The following FRMD4B variants were observed in gnomAD, a reference collection of about 807,000 sequenced individuals.
FRMD4B encodes FERM domain containing 4B.
Under a neutral mutation model 141.5 loss-of-function variants are expected in FRMD4B, and 74 were observed. That is an observed-to-expected ratio of 0.52 (90% confidence interval 0.43 to 0.63). FRMD4B has a LOEUF of 0.63. Among genes scored for constraint, FRMD4B ranks in the 30% least tolerant of loss-of-function variants. The pLI, the probability that FRMD4B is intolerant of heterozygous loss-of-function variation, is 0.00. For missense variants in FRMD4B, 1,366 were observed against 1,253.4 expected, an observed-to-expected ratio of 1.09 and a Z score of -1.36; for synonymous variants, 506 against 467.9, an observed-to-expected ratio of 1.08 and a Z score of -1.05.
intron 1 of FRMD4B, among the ~76,000 whole-genome samples, chr3:69,491,506 T>C (rs1483912394): frequency 1.3e-5 from 2 of 152,220 alleles, no homozygotes; most frequent in Non-Finnish European, 2.9e-5. Flanking sequence ...GACACCTATT[T>C]GCAATTAAAG....
chr3:69,379,696 T>C (rs1302940212), intron 1 of FRMD4B, among the ~76,000 whole-genome samples: 1 of 152,222 alleles, frequency 6.6e-6, no homozygotes, highest in Non-Finnish European at 1.5e-5. Flanking sequence ...TGTCTGGGGA[T>C]TGGCAAACTT....
At chr3:69,312,944 A>G (rs560415926) in intron 2 of FRMD4B, among the ~76,000 whole-genome samples, 1 of 152,354 alleles carries the variant, frequency 6.6e-6, no homozygotes, top group South Asian at 2.1e-4. Context: ...TATATTTTAC[A>G]AAGAGATTTC....
At chr3:69,180,652 A>C (rs942361604) in intron 21 of FRMD4B, among the ~76,000 whole-genome samples, 1 of 152,196 alleles carries the variant, frequency 6.6e-6, no homozygotes, top group African/African-American at 2.4e-5. Context: ...CAGAGAGTAA[A>C]TGCTCAATCA....
chr3:69,287,138 C>T lies in FRMD4B; in HGVS notation c.501+614G>A, dbSNP rs574780319. Among the ~76,000 whole-genome samples the T allele has an allele frequency of 1.1e-4, 16 of 152,348 alleles. No individual in the cohort carries two copies. In the East Asian group the frequency reaches 2.9e-3, roughly 28 times the overall value. On this transcript the variant is annotated intron_variant, in intron 5 of 22. Coordinates refer to ENST00000398540, the MANE Select transcript of FRMD4B (RefSeq NM_015123.3). ...TTATAGCAATTTGACATGGCTGTAA[C>T]ATCCCAGCATGGGATTATTTTTCTA...
At chr3:69,491,585 G>A (rs560450258) in intron 1 of FRMD4B, among the ~76,000 whole-genome samples, 1 of 152,256 alleles carries the variant, frequency 6.6e-6, no homozygotes, top group East Asian at 1.9e-4. Flanking sequence ...AGAACAAAAA[G>A]AGAGAAAAAG....
chr3:69,187,548 A>AT lies in FRMD4B; in HGVS notation c.1919+221_1919+222insA, dbSNP rs1353697366. 2.8e-3 allele frequency among the ~76,000 whole-genome samples: 400 copies of AT among 142,220 alleles called. 4 individuals carry two copies. The highest frequency in any genetic ancestry group is 6.9e-3 in the African/African-American group (274 of 39,598). The allele number at this position is 142,220 out of a possible 152,430, so 93.3% of individuals were successfully genotyped here. On this transcript the variant is annotated intron_variant, in intron 19 of 22. Coordinates refer to ENST00000398540, the MANE Select transcript of FRMD4B (RefSeq NM_015123.3). ...AGAGTGAAACTCCACCTCAAAAAAA[A>AT]AAAAATATATATATATATACATATA...
intron 3 of FRMD4B, among the ~76,000 whole-genome samples, chr3:69,305,652 G>A (rs1373366870): frequency 6.6e-6 from 1 of 152,200 alleles, no homozygotes; most frequent in African/African-American, 2.4e-5. Context: ...ATTTCAGGAG[G>A]TTGAGGCAGG....
In FRMD4B at chr3:69,472,960, G is replaced by A. The variant is rs1227380943; in HGVS notation, c.-128-40199C>T. The stretch of plus-strand genomic sequence containing the variant: ...TTTCTTTTTTTTTTTTTTTGGCTTA[G>A]GGGGTGGAATCTTATTTTTGACTAA... On this transcript the variant is annotated intron_variant, in intron 1 of 5. Transcript: ENST00000459638. Among the ~76,000 whole-genome samples the A allele has an allele frequency of 2.4e-4, 24 of 98,866 alleles. 2 individuals are homozygous for A. In the Admixed American group the frequency reaches 2.5e-3, roughly 10 times the overall value. The allele number at this position is 98,866 out of a possible 152,430, so 64.9% of individuals were successfully genotyped here.
At chr3:69,237,503 T>A (rs1399397163) in intron 7 of FRMD4B, among the ~76,000 whole-genome samples, 1 of 152,220 alleles carries the variant, frequency 6.6e-6, no homozygotes, top group Non-Finnish European at 1.5e-5. Context: ...TGTTGGCCCA[T>A]CCTTCATCCT....
intron 2 of FRMD4B, among the ~76,000 whole-genome samples, chr3:69,421,338 T>G (rs1704975814): frequency 6.6e-6 from 1 of 152,132 alleles, no homozygotes; most frequent in East Asian, 1.9e-4. Flanking sequence ...TCATCTGAGG[T>G]TGAATTAGAT....
intron 7 of FRMD4B, among the ~76,000 whole-genome samples, chr3:69,225,134 G>A (rs1456310610): frequency 1.3e-5 from 2 of 152,082 alleles, no homozygotes; most frequent in Non-Finnish European, 2.9e-5. Context: ...GGTTTATGTA[G>A]TCTTTTATAT....
chr3:69,261,086 A>G (rs368023094), intron 5 of FRMD4B, among the ~76,000 whole-genome samples: 5 of 152,218 alleles, frequency 3.3e-5, no homozygotes, highest in East Asian at 1.9e-4. Flanking sequence ...TGCTTGGGTC[A>G]CTTTTCACAC....
chr3:69,170,089 AAAAGATG>A lies in FRMD4B; in HGVS notation c.*1765_*1771del, dbSNP rs1174106718. On this transcript the variant is annotated 3_prime_UTR_variant, in exon 23 of 23. Transcript: ENST00000398540. Reference sequence around the variant, plus strand: ...ATTCAAGTAGAATATGCCATCAATAAAAAGATGAACCATGTTTTTAATGTAAATATTT... The same window carrying A: ...ATTCAAGTAGAATATGCCATCAATAAAACCATGTTTTTAATGTAAATATTT... 15 of 152,336 alleles carry A rather than the reference AAAAGATG, an allele frequency of 9.8e-5. No individual in the cohort carries two copies. Among genetic ancestry groups the A allele is most frequent in the Middle Eastern group, 3.4e-3 (1 of 294 alleles). The allele number at this position is 152,336 out of a possible 1,614,324, so 9.4% of individuals were successfully genotyped here. A position where few individuals can be genotyped will look rare whatever the true frequency, so the allele number is the denominator to read the frequency against.
At chr3:69,200,423 G>A (rs985481341) in intron 11 of FRMD4B, 41 of 997,638 alleles carry the variant, frequency 4.1e-5, no homozygotes, top group Middle Eastern at 5.1e-4. Flanking sequence ...TAAATCCAGA[G>A]GTTCCAAAAA....
intron 4 of FRMD4B, among the ~76,000 whole-genome samples, chr3:69,294,668 C>T (rs1361076860): frequency 6.6e-6 from 1 of 152,082 alleles, no homozygotes; most frequent in African/African-American, 2.4e-5. Context: ...GAGCTGGAGG[C>T]CCAAAAGAGT....
intron 5 of FRMD4B, among the ~76,000 whole-genome samples, chr3:69,273,364 C>T (rs1484982672): frequency 6.6e-6 from 1 of 152,192 alleles, no homozygotes; most frequent in East Asian, 1.9e-4. Context: ...CCAAAAGACA[C>T]TTAGAGCAAG....
chr3:69,364,349 C>A (rs138412551), intron 1 of FRMD4B, among the ~76,000 whole-genome samples: 4 of 152,318 alleles, frequency 2.6e-5, no homozygotes, highest in African/African-American at 9.6e-5. Context: ...TTGGTGGCCA[C>A]GGCAGGAAGC....
chr3:69,360,025 T>G (rs546159693), intron 1 of FRMD4B, among the ~76,000 whole-genome samples: 4 of 152,270 alleles, frequency 2.6e-5, no homozygotes, highest in Non-Finnish European at 5.9e-5. Context: ...GTGGAATGCA[T>G]CCAGGGGTTA....
At chr3:69,295,159 C>T (rs1434757985) in intron 4 of FRMD4B, among the ~76,000 whole-genome samples, 3 of 152,174 alleles carry the variant, frequency 2.0e-5, no homozygotes. Flanking sequence ...AGCTTCATTT[C>T]ATAGGTGATG....
Sources: allele counts gnomAD v4.1 joint callset (sites outside exome capture counted in the v4.1 genomes callset), GRCh38; gene constraint gnomAD v4.1.1; transcripts MANE v1.5; gene names NCBI Gene and HGNC (gene_info 2026-07-23, HGNC 2026-07-21).